PPM1E: variants seen among roughly 807,000 people sequenced by gnomAD.
PPM1E encodes protein phosphatase 1E.
A neutral mutation model predicts 65.9 loss-of-function variants in PPM1E; 20 were observed. That is an observed-to-expected ratio of 0.30 (90% CI 0.21 to 0.44). PPM1E has a LOEUF of 0.44. PPM1E is among the 20% of genes least tolerant of loss of function. The pLI is 1.00. For missense variants in PPM1E, 713 were observed against 953.1 expected, an observed-to-expected ratio of 0.75 and a Z score of 3.32; for synonymous variants, 352 against 374.9, an observed-to-expected ratio of 0.94 and a Z score of 0.70.
intron 1 of PPM1E, among the ~76,000 whole-genome samples, chr17:58,848,352 G>T (rs929212923): frequency 3.3e-5 from 5 of 152,010 alleles, no homozygotes; most frequent in African/African-American, 1.2e-4. Context: ...GTCTTGTGCC[G>T]GCTTTCAAAG....
At chr17:58,826,256 C>T (rs2143156731) in intron 1 of PPM1E, among the ~76,000 whole-genome samples, 1 of 149,612 alleles carries the variant, frequency 6.7e-6, no homozygotes, top group East Asian at 2.0e-4. Flanking sequence ...GAGATGGCTC[C>T]ACTGCACTCC....
chr17:58,808,550 CAG>C (rs899046959), intron 1 of PPM1E, among the ~76,000 whole-genome samples: 6 of 150,978 alleles, frequency 4.0e-5, no homozygotes, highest in Admixed American at 1.3e-4. Context: ...GTTTGTGAGA[CAG>C]AGAGAGGGAG....
chr17:58,917,222 A>AG (rs1186479939), intron 1 of PPM1E, among the ~76,000 whole-genome samples: 1 of 152,086 alleles, frequency 6.6e-6, no homozygotes, highest in African/African-American at 2.4e-5. Context: ...AAAAAAGAAA[A>AG]AAAAAAAAAA....
chr17:58,765,202 A>T (rs1325024774), intron 1 of PPM1E, among the ~76,000 whole-genome samples: 2 of 142,554 alleles, frequency 1.4e-5, no homozygotes, highest in Non-Finnish European at 1.5e-5. Flanking sequence ...TTTTTGAGAC[A>T]GGGTCTCGCT....
chr17:58,763,753 A>G (rs1232772936), intron 1 of PPM1E, among the ~76,000 whole-genome samples: 1 of 152,150 alleles, frequency 6.6e-6, no homozygotes, highest in Non-Finnish European at 1.5e-5. Context: ...CCATACCGTG[A>G]AGCTTGTATT....
chr17:58,958,685 G>C (rs1327032698), intron 2 of PPM1E, among the ~76,000 whole-genome samples: 2 of 151,902 alleles, frequency 1.3e-5, no homozygotes. Flanking sequence ...TCGAGGGACA[G>C]TCCTCACAAA....
chr17:58,805,657 T>G (rs932076588), intron 1 of PPM1E, among the ~76,000 whole-genome samples: 7 of 151,998 alleles, frequency 4.6e-5, no homozygotes, highest in Admixed American at 1.3e-4. Context: ...TTTCCAGATA[T>G]TTCATAATAA....
chr17:58,966,677 T>C (rs1305941289), intron 3 of PPM1E: 1 of 154,000 alleles, frequency 6.5e-6, no homozygotes, highest in African/African-American at 2.4e-5. Context: ...ACTATTTTCT[T>C]GTTATCTTTC....
At chr17:58,816,625 G>A (rs2050417401) in intron 1 of PPM1E, among the ~76,000 whole-genome samples, 1 of 149,602 alleles carries the variant, frequency 6.7e-6, no homozygotes, top group Non-Finnish European at 1.5e-5. Context: ...CCTATTTTTG[G>A]TCTAGGTACT....
At chr17:58,825,040 C>T (rs1006168973) in intron 1 of PPM1E, among the ~76,000 whole-genome samples, 2 of 151,530 alleles carry the variant, frequency 1.3e-5, no homozygotes, top group African/African-American at 4.8e-5. Flanking sequence ...GGGAGTGGGG[C>T]GAGGGATAAA....
At chr17:58,967,831 C>T (rs1251135022) in intron 3 of PPM1E, among the ~76,000 whole-genome samples, 18 of 148,718 alleles carry the variant, frequency 1.2e-4, no homozygotes, top group African/African-American at 4.2e-4. Flanking sequence ...AACGGAGTCT[C>T]GCTCGCTCTG....
intron 1 of PPM1E, among the ~76,000 whole-genome samples, chr17:58,819,266 C>T (rs938266266): frequency 1.3e-5 from 2 of 152,134 alleles, no homozygotes; most frequent in East Asian, 1.9e-4. Flanking sequence ...CTGCCTAAGC[C>T]TCTCGTGTAG....
chr17:58,954,076 C>A (rs1361643646), intron 1 of PPM1E, among the ~76,000 whole-genome samples: 1 of 152,130 alleles, frequency 6.6e-6, no homozygotes, highest in Non-Finnish European at 1.5e-5. Flanking sequence ...AAAATGAATT[C>A]TTGATTTCTA....
At chr17:58,854,811 G>T (rs2050864993) in intron 1 of PPM1E, among the ~76,000 whole-genome samples, 1 of 151,954 alleles carries the variant, frequency 6.6e-6, no homozygotes, top group African/African-American at 2.4e-5. Flanking sequence ...CTAGTATTTT[G>T]TCTCATGGTC....
intron 1 of PPM1E, among the ~76,000 whole-genome samples, chr17:58,841,353 G>A (rs1299846399): frequency 2.0e-5 from 3 of 151,984 alleles, no homozygotes; most frequent in African/African-American, 7.3e-5. Context: ...TGGGAGAGAC[G>A]TGACAAACAC....
intron 1 of PPM1E, among the ~76,000 whole-genome samples, chr17:58,891,325 T>C (rs551298634): frequency 9.2e-5 from 14 of 151,926 alleles, no homozygotes; most frequent in Non-Finnish European, 1.2e-4. Flanking sequence ...GGATTTATTA[T>C]TATTATTATT....
chr17:58,924,969 G>A (rs1274594672), intron 1 of PPM1E, among the ~76,000 whole-genome samples: 2 of 151,984 alleles, frequency 1.3e-5, no homozygotes, highest in Non-Finnish European at 2.9e-5. Flanking sequence ...TCTTCATTTA[G>A]TCTATCATTT....
At chr17:58,805,961 C>CAAAAAAAAAAAA (rs71367632) in intron 1 of PPM1E, among the ~76,000 whole-genome samples, 9 of 69,794 alleles carry the variant, frequency 1.3e-4, no homozygotes, top group South Asian at 4.6e-4. Context: ...AAAAAAAAAA[C>CAAAAAAAAAAAA]AAAAAAAAAA....
chr17:58,847,182 G>T (rs1464895329), intron 1 of PPM1E, among the ~76,000 whole-genome samples: 1 of 151,894 alleles, frequency 6.6e-6, no homozygotes, highest in Non-Finnish European at 1.5e-5. Context: ...CCTTTGTCAG[G>T]TGGGTAGATT....
Sources: allele counts gnomAD v4.1 joint callset (sites outside exome capture counted in the v4.1 genomes callset), GRCh38; gene constraint gnomAD v4.1.1; transcripts MANE v1.5; gene names NCBI Gene and HGNC (gene_info 2026-07-23, HGNC 2026-07-21).